The following MRPS27 variants were observed in gnomAD, a reference collection of about 807,000 sequenced individuals.
MRPS27 encodes the protein mitochondrial ribosomal protein S27.
In MRPS27, 43 loss-of-function variants were observed where a neutral mutation model predicts 48.9. That is an observed-to-expected ratio of 0.88 (90% confidence interval 0.69 to 1.13). The LOEUF (loss-of-function observed/expected upper bound fraction) is 1.13, where lower values mean the gene tolerates loss of function less well. Among genes scored for constraint, MRPS27 ranks in the 50% most tolerant of loss-of-function variants. The pLI, the probability that MRPS27 is intolerant of heterozygous loss-of-function variation, is 0.00. For missense variants in MRPS27, 467 were observed against 476.3 expected (o/e 0.98, Z 0.18); for synonymous variants, 188 against 171.9 (o/e 1.09, Z -0.73).
rs574114978 is a variant in MRPS27, at chr5:72,249,033, T to C, written c.282-10905A>G. ...TGCACATTAAGCAGAATTTCAAGTG[T>C]GGTAGCAAGTAGACTGTCCACATAT... On this transcript the variant is annotated intron_variant, in intron 4 of 10. Coordinates refer to ENST00000261413, the MANE Select transcript of MRPS27 (RefSeq NM_015084.3). 7.6e-4 allele frequency among the ~76,000 whole-genome samples: 115 copies of C among 152,310 alleles called. No individual in the cohort carries two copies. In the Middle Eastern group the frequency reaches 0.014, roughly 18 times the overall value.
At chr5:72,303,714 A>G (rs552919826) in intron 2 of MRPS27, among the ~76,000 whole-genome samples, 1 of 152,150 alleles carries the variant, frequency 6.6e-6, no homozygotes, top group South Asian at 2.1e-4. Context: ...AGTATAAACT[A>G]TCAACCTAAA....
intron 4 of MRPS27, among the ~76,000 whole-genome samples, chr5:72,239,993 A>T (rs1362351192): frequency 6.6e-6 from 1 of 152,206 alleles, no homozygotes; most frequent in African/African-American, 2.4e-5. Flanking sequence ...TAAAGAAAAA[A>T]GTCAAGTGAA....
intron 4 of MRPS27, chr5:72,241,645 G>T: frequency 7.2e-6 from 11 of 1,535,354 alleles, no homozygotes; most frequent in Non-Finnish European, 9.6e-6. Context: ...ATGGGCACTT[G>T]CCTGGAATAA....
intron 4 of MRPS27, chr5:72,241,570 A>G: frequency 7.2e-7 from 1 of 1,389,502 alleles, no homozygotes; most frequent in Admixed American, 2.0e-5. Flanking sequence ...TAAGCAGTTC[A>G]GACAAATAAA....
rs550927918 is a variant in MRPS27 at position 72,310,075 on chromosome 5, A to G, written c.151+4006T>C. ...AAATATGGACTGGAGCAAGGCAAGA[A>G]GAATCCCATAGGGATGAACTTGGGA... On this transcript the variant is annotated intron_variant, in intron 2 of 10. Coordinates refer to ENST00000261413, the MANE Select transcript of MRPS27 (RefSeq NM_015084.3). 5.3e-5 allele frequency among the ~76,000 whole-genome samples: 8 copies of G among 152,370 alleles called. No homozygotes were observed. The South Asian group carries it at 1.7e-3, about 32-fold the overall frequency.
intron 2 of MRPS27, among the ~76,000 whole-genome samples, chr5:72,310,356 G>A (rs1750411675): frequency 6.6e-6 from 1 of 151,890 alleles, no homozygotes; most frequent in Non-Finnish European, 1.5e-5. Flanking sequence ...GGTACACAGT[G>A]AGCCTGAAAC....
intron 4 of MRPS27, among the ~76,000 whole-genome samples, chr5:72,259,024 C>G (rs979675089): frequency 1.3e-5 from 2 of 152,106 alleles, no homozygotes; most frequent in Non-Finnish European, 2.9e-5. Context: ...TTCTCTCTCC[C>G]CCTCCCCCAA....
intron 4 of MRPS27, among the ~76,000 whole-genome samples, chr5:72,274,756 C>G (rs1296051826): frequency 6.6e-6 from 1 of 152,132 alleles, no homozygotes; most frequent in Non-Finnish European, 1.5e-5. Flanking sequence ...CACAAACACA[C>G]AAGTAATGCA....
chr5:72,312,241 T>A (rs1205000664), intron 2 of MRPS27, among the ~76,000 whole-genome samples: 1 of 152,234 alleles, frequency 6.6e-6, no homozygotes, highest in Admixed American at 6.5e-5. Flanking sequence ...AACCTGTTTA[T>A]CATTAATGGA....
rs1300581017 is a variant in MRPS27, at chr5:72,220,768, C to T, written c.*141G>A. 1.8e-5 allele frequency: 23 copies of T among 1,263,302 alleles called. No homozygotes were observed. The highest frequency in any genetic ancestry group is 2.4e-5 in the Non-Finnish European group (22 of 910,026). The allele number at this position is 1,263,302 out of a possible 1,614,324, so 78.3% of individuals were successfully genotyped here. Reference sequence around the variant, plus strand: ...GCATCTCGATGGGCAGTCATGGTGCCTTGCCATGTAGGGCACATAGCCTGC... The same window carrying T: ...GCATCTCGATGGGCAGTCATGGTGCTTTGCCATGTAGGGCACATAGCCTGC... On this transcript the variant is annotated 3_prime_UTR_variant, in exon 11 of 11. Coordinates refer to ENST00000261413, the MANE Select transcript of MRPS27 (RefSeq NM_015084.3).
intron 2 of MRPS27, among the ~76,000 whole-genome samples, chr5:72,302,631 C>T (rs1256231543): frequency 6.6e-6 from 1 of 152,202 alleles, no homozygotes; most frequent in Non-Finnish European, 1.5e-5. Flanking sequence ...GTAGATGTAA[C>T]TGTCAGAGGC....
intron 4 of MRPS27, among the ~76,000 whole-genome samples, chr5:72,282,635 C>T (rs909183667): frequency 3.9e-5 from 6 of 152,102 alleles, no homozygotes; most frequent in Admixed American, 3.9e-4. Flanking sequence ...GCTATTAGAA[C>T]AGATTTACTT....
chr5:72,230,044 C>A (rs986495367), intron 7 of MRPS27, among the ~76,000 whole-genome samples: 1 of 152,084 alleles, frequency 6.6e-6, no homozygotes, highest in Admixed American at 6.6e-5. Context: ...TGCCACCATG[C>A]CTGGTTAATA....
At chr5:72,232,812 T>C (rs1324618475) in intron 6 of MRPS27, among the ~76,000 whole-genome samples, 2 of 152,158 alleles carry the variant, frequency 1.3e-5, no homozygotes, top group Non-Finnish European at 2.9e-5. Flanking sequence ...TGAAGGACAT[T>C]AAATAAACCA....
At chr5:72,292,873 C>A (rs1749867244) in intron 4 of MRPS27, among the ~76,000 whole-genome samples, 1 of 152,112 alleles carries the variant, frequency 6.6e-6, no homozygotes, top group African/African-American at 2.4e-5. Flanking sequence ...TAACCCCAGG[C>A]CTGCAAGCTG....
chr5:72,247,789 T>C (rs1748545513), intron 4 of MRPS27, among the ~76,000 whole-genome samples: 1 of 152,234 alleles, frequency 6.6e-6, no homozygotes. Context: ...TATATACTGT[T>C]ACTTTATCAA....
intron 1 of MRPS27, among the ~76,000 whole-genome samples, chr5:72,317,805 AG>A (rs1460171585): frequency 6.6e-6 from 1 of 152,174 alleles, no homozygotes; most frequent in African/African-American, 2.4e-5. Context: ...CTCCTGCCCC[AG>A]GGGGATGGTT....
intron 4 of MRPS27, among the ~76,000 whole-genome samples, chr5:72,259,585 T>C (rs570949904): frequency 1.1e-4 from 17 of 152,150 alleles, no homozygotes; most frequent in Non-Finnish European, 1.5e-5. Flanking sequence ...GTAATTTTCA[T>C]ATAAATTAAT....
intron 2 of MRPS27, among the ~76,000 whole-genome samples, chr5:72,298,581 C>CT (rs1750041442): frequency 6.6e-6 from 1 of 151,922 alleles, no homozygotes; most frequent in Non-Finnish European, 1.5e-5. Flanking sequence ...TGGCGGGCGC[C>CT]TGTAGTCCCA....
Sources: allele counts gnomAD v4.1 joint callset (sites outside exome capture counted in the v4.1 genomes callset), GRCh38; gene constraint gnomAD v4.1.1; transcripts MANE v1.5; gene names NCBI Gene and HGNC (gene_info 2026-07-23, HGNC 2026-07-21).